Variants in PRKAA2 observed in about 807,000 individuals in gnomAD.
PRKAA2 encodes the protein 5'-AMP-activated protein kinase catalytic subunit alpha-2.
Under a neutral mutation model 56.3 loss-of-function variants are expected in PRKAA2, and 40 were observed. The observed-to-expected ratio is 0.71, with a 90% confidence interval of 0.55 to 0.92. The LOEUF is 0.92. PRKAA2 is among the 40% of genes least tolerant of loss of function. PRKAA2 has a pLI of 0.00. For missense variants in PRKAA2, 542 were observed against 686.9 expected (o/e 0.79, Z 2.36); for synonymous variants, 214 against 234.2 (o/e 0.91, Z 0.79).
intron 2 of PRKAA2, among the ~76,000 whole-genome samples, chr1:56,677,038 A>T (rs939053974): frequency 1.8e-4 from 27 of 152,212 alleles, no homozygotes; most frequent in Admixed American, 8.5e-4. Flanking sequence ...GGTCCAGAGT[A>T]TGTATATAGA....
chr1:56,681,871 C>T (rs902845303), intron 2 of PRKAA2, among the ~76,000 whole-genome samples: 12 of 152,080 alleles, frequency 7.9e-5, no homozygotes, highest in African/African-American at 2.7e-4. Flanking sequence ...ACTTTAAAGT[C>T]GTTTTTTCCA....
intron 7 of PRKAA2, 92 bp downstream of exon 7, chr1:56,704,567 A>C: frequency 7.1e-7 from 1 of 1,404,164 alleles, no homozygotes; most frequent in Non-Finnish European, 9.5e-7. Context: ...ATTAAGCCCA[A>C]CTTTTTCTAG....
At chr1:56,698,089 T>C (rs1644270927) in intron 6 of PRKAA2, among the ~76,000 whole-genome samples, 2 of 150,450 alleles carry the variant, frequency 1.3e-5, no homozygotes, top group East Asian at 3.9e-4. Flanking sequence ...CTTTTTTTTT[T>C]TTTTTTTTAA....
intron 1 of PRKAA2, among the ~76,000 whole-genome samples, chr1:56,670,903 T>C (rs1236439893): frequency 2.0e-5 from 3 of 152,154 alleles, no homozygotes; most frequent in African/African-American, 7.2e-5. Flanking sequence ...TGTACAAGAT[T>C]TATTTCAGTT....
intron 5 of PRKAA2, 69 bp downstream of exon 5, chr1:56,693,921 A>G (rs1450985655): frequency 2.8e-6 from 3 of 1,074,380 alleles, no homozygotes; most frequent in Non-Finnish European, 1.4e-6. Flanking sequence ...ATTACAATAT[A>G]TTCTCTATGG....
chr1:56,674,499 T>C lies in PRKAA2; in HGVS notation c.213T>C (p.Phe71=), dbSNP rs773162990. The C allele has an allele frequency of 1.4e-5, 21 of 1,541,382 alleles. No individual in the cohort carries two copies. The highest frequency in any genetic ancestry group is 4.9e-5 in the South Asian group (4 of 81,868). The change falls in exon 2 of 9, where the codon TTT becomes TTC. Residue 71 remains phenylalanine (F), a synonymous_variant. Transcript: ENST00000371244. ...IKREIQNLKL[F]RHPHIIKLYQ... ...GAGAAATTCAAAATCTAAAACTCTT[T>C]CGTCATCCTCATATTATCAAACTGT...
intron 1 of PRKAA2, among the ~76,000 whole-genome samples, chr1:56,652,445 A>G (rs1403501866): frequency 6.6e-6 from 1 of 152,192 alleles, no homozygotes; most frequent in Non-Finnish European, 1.5e-5. Context: ...TATAAAGGTA[A>G]TCTTGACTAG....
chr1:56,704,221 C>T lies in PRKAA2; in HGVS notation c.1039C>T (p.Pro347Ser). 3.7e-6 allele frequency: 6 copies of T among 1,614,172 alleles called. No homozygotes were observed. The highest frequency in any genetic ancestry group is 5.1e-6 in the Non-Finnish European group (6 of 1,180,028). Residue 347 changes from proline (P) to serine (S), a missense_variant, in exon 7 of 9, where the codon CCA (proline) becomes TCA (serine). Around this residue, in one of 5 missense-constraint regions of PRKAA2, gnomAD observed 198 missense variants for 234.0 expected, o/e 0.85. Transcript: ENST00000371244. Reference sequence around the variant, plus strand: ...TGAGTTCTACCTCGCCTCTAGTCCTCCATCTGGTTCTTTTATGGATGATAG... The same window carrying T: ...TGAGTTCTACCTCGCCTCTAGTCCTTCATCTGGTTCTTTTATGGATGATAG... ...ASEFYLASSP[P>S]SGSFMDDSAM...
At chr1:56,700,021 G>T (rs1644283780) in intron 6 of PRKAA2, among the ~76,000 whole-genome samples, 1 of 152,106 alleles carries the variant, frequency 6.6e-6, no homozygotes, top group Admixed American at 6.5e-5. Context: ...TTTCTAATTT[G>T]TGGCTTTTAT....
intron 1 of PRKAA2, among the ~76,000 whole-genome samples, chr1:56,658,399 A>C (rs1311933176): frequency 6.6e-6 from 1 of 152,174 alleles, no homozygotes; most frequent in Non-Finnish European, 1.5e-5. Flanking sequence ...ATAGACACAT[A>C]AGGACCAGAG....
chr1:56,645,464 C>G lies in PRKAA2; in HGVS notation c.77C>G (p.Thr26Ser). 6.7e-7 allele frequency: 1 copy of G among 1,499,926 alleles called. No individual in the cohort carries two copies. The highest frequency in any genetic ancestry group is 8.9e-7 in the Non-Finnish European group (1 of 1,117,864). 92.9% of individuals were successfully genotyped at this position (1,499,926 alleles called of 1,614,324 possible). ...CTGGGCGACACGCTGGGCGTCGGCA[C>G]CTTCGGCAAAGTGAAGAGTTGAGTA... ...YVLGDTLGVG[T>S]FGKVKIGEHQ... The change falls in exon 1 of 9, where the codon ACC (threonine) becomes AGC (serine). Residue 26 changes from threonine to serine, a missense_variant. Coordinates refer to ENST00000371244, the MANE Select transcript of PRKAA2 (RefSeq NM_006252.4).
intron 1 of PRKAA2, among the ~76,000 whole-genome samples, chr1:56,671,665 C>T (rs1325833620): frequency 1.3e-5 from 2 of 152,118 alleles, no homozygotes; most frequent in African/African-American, 4.8e-5. Context: ...TCAGTTCTTC[C>T]TAAGTCATCG....
intron 2 of PRKAA2, among the ~76,000 whole-genome samples, chr1:56,675,071 AAGTT>A (rs1376902765): frequency 6.6e-6 from 1 of 152,080 alleles, no homozygotes; most frequent in African/African-American, 2.4e-5. Flanking sequence ...ATAAACTTAA[AAGTT>A]AGGTAAATAT....
chr1:56,670,229 G>A (rs1238050126), intron 1 of PRKAA2, among the ~76,000 whole-genome samples: 2 of 152,186 alleles, frequency 1.3e-5, no homozygotes, highest in Non-Finnish European at 2.9e-5. Flanking sequence ...ATTCTAAATA[G>A]TGTATTATTT....
At chr1:56,698,052 T>A (rs1466045930) in intron 6 of PRKAA2, among the ~76,000 whole-genome samples, 1 of 150,718 alleles carries the variant, frequency 6.6e-6, no homozygotes, top group South Asian at 2.1e-4. Context: ...AATTTTTTAA[T>A]GTTTGGGAAT....
chr1:56,712,111 A>G lies in PRKAA2; in HGVS notation c.*4398A>G, dbSNP rs1273629154. ...AGACCCTTCATATTGTTTACTTACT[A>G]TTACGATAACTTTGAGAGGTAACCA... On this transcript the variant is annotated 3_prime_UTR_variant, in exon 9 of 9. Transcript: ENST00000371244. The G allele has an allele frequency of 6.6e-6, 1 of 152,138 alleles. No individual in the cohort carries two copies. Among genetic ancestry groups the G allele is most frequent in the Non-Finnish European group, 1.5e-5 (1 of 68,026 alleles). 9.4% of individuals were successfully genotyped at this position (152,138 alleles called of 1,614,324 possible).
At chr1:56,675,335 T>C (rs1644105538) in intron 2 of PRKAA2, among the ~76,000 whole-genome samples, 1 of 113,198 alleles carries the variant, frequency 8.8e-6, no homozygotes, top group Non-Finnish European at 1.8e-5. Context: ...GGTCAGGAAC[T>C]GTACCAAGCA....
Position 56,707,516 on chromosome 1 carries a change from C to T in PRKAA2, c.1462C>T (p.Arg488Cys), listed in dbSNP as rs756673522. ...EQRSGSSTPQ[R>C]SCSAAGLHRP... ...GAGATCTGGTTCCTCAACACCTCAG[C>T]GTTCCTGTTCTGCTGCTGGCTTACA... is the stretch of plus-strand genomic sequence containing the variant. Residue 488 changes from arginine (R) to cysteine (C), a missense_variant, in exon 9 of 9, where the codon CGT becomes TGT. By Grantham distance (180) the Arg-to-Cys change is radical. Transcript: ENST00000371244. 3.2e-5 allele frequency: 52 copies of T among 1,614,050 alleles called. No individual in the cohort carries two copies. The highest frequency in any genetic ancestry group is 1.7e-4 in the Admixed American group (10 of 60,002).
intron 1 of PRKAA2, among the ~76,000 whole-genome samples, chr1:56,655,542 T>C (rs1025244908): frequency 4.6e-5 from 7 of 151,876 alleles, no homozygotes; most frequent in African/African-American, 1.7e-4. Flanking sequence ...TGTTTAGTCA[T>C]ACGGGATTTT....
Sources: allele counts gnomAD v4.1 joint callset (sites outside exome capture counted in the v4.1 genomes callset), GRCh38; gene constraint gnomAD v4.1.1; regional missense constraint gnomAD v4.1.1; transcripts MANE v1.5; gene names NCBI Gene and HGNC (gene_info 2026-07-23, HGNC 2026-07-21).